The following CCNT1 variants were observed in gnomAD, a reference collection of about 807,000 sequenced individuals.
The protein encoded by CCNT1 is cyclin T1, also known as cyclin-T1.
Under a neutral mutation model 67.3 loss-of-function variants are expected in CCNT1, and 18 were observed. The observed-to-expected ratio is 0.27, with a 90% CI of 0.18 to 0.40. The LOEUF (loss-of-function observed/expected upper bound fraction) is 0.40. Ranked by LOEUF, CCNT1 falls within the 10% of genes least tolerant of loss-of-function variation. The pLI is 1.00. For synonymous variants in CCNT1, 333 were observed against 310.3 expected (o/e 1.07, Z -0.77); for missense variants, 744 against 884.9 (o/e 0.84, Z 2.02).
At position 48,699,851 on chromosome 12, in the gene CCNT1, AAAGT is replaced by A; in HGVS notation, c.434-15_434-12del. 1 of 1,544,930 alleles carries A rather than the reference AAAGT, an allele frequency of 6.5e-7. No individual in the cohort carries two copies. The highest frequency in any genetic ancestry group is 8.9e-7 in the Non-Finnish European group (1 of 1,123,298). ...TTGTTAGTTCAAAGCCTTAAAAGAA[AAAGT>A]AATGGATTAAAAAACTATTAAGAAG... On this transcript the variant is annotated splice_polypyrimidine_tract_variant and intron_variant, in intron 4 of 8. Transcript: ENST00000261900.
intron 1 of CCNT1, among the ~76,000 whole-genome samples, chr12:48,715,521 C>T (rs1380338353): frequency 6.6e-6 from 1 of 151,678 alleles, no homozygotes; most frequent in Non-Finnish European, 1.5e-5. Context: ...AGTGCAGTGG[C>T]GCCATCTCGG....
intron 6 of CCNT1, among the ~76,000 whole-genome samples, chr12:48,696,717 T>C (rs945385530): frequency 6.6e-6 from 1 of 152,196 alleles, no homozygotes; most frequent in Non-Finnish European, 1.5e-5. Flanking sequence ...TTTCAAAACT[T>C]TTTCGTAACA....
chr12:48,693,824 T>C lies in CCNT1; in HGVS notation c.1390A>G (p.Ile464Val), dbSNP rs1366188615. Residue 464 changes from isoleucine to valine, a missense_variant, in exon 9 of 9, where the codon ATC becomes GTC. Around this residue, in one of 3 missense-constraint regions of CCNT1, gnomAD observed 564 missense variants for 574.2 expected, o/e 0.98. Transcript: ENST00000261900. ...KADKTALKMRIPVAGGDKAAS... is the reference protein window; with the variant it reads ...KADKTALKMRVPVAGGDKAAS... Reference sequence around the variant, plus strand: ...GCTTTATCTCCACCTGCCACTGGGATTCTCATTTTGAGAGCTGTTTTGTCA... The same window carrying C: ...GCTTTATCTCCACCTGCCACTGGGACTCTCATTTTGAGAGCTGTTTTGTCA... 1 of 1,614,208 alleles carries C rather than the reference T, an allele frequency of 6.2e-7. No homozygotes were observed. Among genetic ancestry groups the C allele is most frequent in the Non-Finnish European group, 8.5e-7 (1 of 1,180,042 alleles).
Position 48,689,157 on chromosome 12 carries a change from C to T in CCNT1, c.*3876G>A, listed in dbSNP as rs1940032894. 6.6e-6 allele frequency: 1 copy of T among 152,104 alleles called. No individual in the cohort carries two copies. The highest frequency in any genetic ancestry group is 2.4e-5 in the African/African-American group (1 of 41,402). 9.4% of individuals were successfully genotyped at this position (152,104 alleles called of 1,614,324 possible). ...AGAGTCCTTCTCTTTTTTTCATTAG[C>T]CATGAATAAACACTCACAAAGGGGA... is the stretch of plus-strand genomic sequence containing the variant. On this transcript the variant is annotated 3_prime_UTR_variant, in exon 9 of 9. Coordinates refer to ENST00000261900, the MANE Select transcript of CCNT1 (RefSeq NM_001240.4).
chr12:48,698,403 G>A (rs987398346), intron 5 of CCNT1, among the ~76,000 whole-genome samples: 2 of 152,152 alleles, frequency 1.3e-5, no homozygotes, highest in African/African-American at 4.8e-5. Context: ...GCTGCTTCCA[G>A]ATCTAGGTAC....
rs34991080 is a variant in CCNT1 at position 48,698,956 on chromosome 12, C to CA, written c.497-774dup. ...GGGCAACAAGAGCAAAACTCCGTCT[C>CA]AAAAAAAAAAAAAAGTTTTTAATTA... On this transcript the variant is annotated intron_variant, in intron 5 of 8. Transcript: ENST00000261900. Among the ~76,000 whole-genome samples, 204 of 100,788 alleles carry CA rather than the reference C, an allele frequency of 2.0e-3. 1 individual carries two copies. The highest frequency in any genetic ancestry group is 0.012 in the Middle Eastern group (2 of 168). The allele number at this position is 100,788 out of a possible 152,430, so 66.1% of individuals were successfully genotyped here.
At position 48,693,718 on chromosome 12, in the gene CCNT1, C is replaced by A. The variant is rs767190434; in HGVS notation, c.1496G>T (p.Ser499Ile). The A allele has an allele frequency of 6.2e-7, 1 of 1,614,152 alleles. No individual in the cohort carries two copies. The highest frequency in any genetic ancestry group is 1.7e-5 in the Admixed American group (1 of 60,024). The change falls in exon 9 of 9, where the codon AGT becomes ATT. Residue 499 changes from serine to isoleucine, a missense_variant. Physicochemically the swap from Ser to Ile is moderately radical, Grantham distance 142 (BLOSUM62 -2). Transcript: ENST00000261900. Reference protein sequence around the residue: ...AADKHNSVEDSVTKSREHKEK... With the variant: ...AADKHNSVEDIVTKSREHKEK... Reference sequence around the variant, plus strand: ...TTTGTGCTCTCGGCTCTTTGTAACACTGTCCTCTACAGAATTGTGCTTATC... The same window carrying A: ...TTTGTGCTCTCGGCTCTTTGTAACAATGTCCTCTACAGAATTGTGCTTATC...
At chr12:48,711,681 TA>T (rs1321059688) in intron 2 of CCNT1, among the ~76,000 whole-genome samples, 1 of 151,930 alleles carries the variant, frequency 6.6e-6, no homozygotes, top group African/African-American at 2.4e-5. Context: ...TCTCTTTTAA[TA>T]AGAAGGATAT....
At chr12:48,701,179 G>A in intron 3 of CCNT1, 106 bp from the exon 4 acceptor site, 1 of 458,708 alleles carries the variant, frequency 2.2e-6, no homozygotes, top group South Asian at 3.2e-5. Context: ...AAAGGCATGA[G>A]TGGAGTTAGG....
rs1228366152 is a variant in CCNT1 at position 48,705,588 on chromosome 12, T to G, written c.372+180A>C. 5.0e-6 allele frequency: 3 copies of G among 601,230 alleles called. No homozygotes were observed. The Admixed American group carries it at 9.6e-5, about 19-fold the overall frequency. The allele number at this position is 601,230 out of a possible 1,614,324, so 37.2% of individuals were successfully genotyped here. A position where few individuals can be genotyped will look rare whatever the true frequency, so the allele number is the denominator to read the frequency against. ...ACCATACCTGGCCTGATTTTCTTAC[T>G]GTTAAGAAAAACACAAACACTAAAA... On this transcript the variant is annotated intron_variant, in intron 3 of 8. Transcript: ENST00000261900.
chr12:48,688,563 C>A lies in CCNT1; in HGVS notation c.*4470G>T, dbSNP rs189442046. On this transcript the variant is annotated 3_prime_UTR_variant, in exon 9 of 9. Coordinates refer to ENST00000261900, the MANE Select transcript of CCNT1 (RefSeq NM_001240.4). ...TGATAGCCAGACTATAAAATGTATA[C>A]ATCCTTTTTAAATTTTTTGAATTTT... 6.6e-6 allele frequency: 1 copy of A among 152,086 alleles called. No homozygotes were observed. Among genetic ancestry groups the A allele is most frequent in the Non-Finnish European group, 1.5e-5 (1 of 68,014 alleles). 9.4% of individuals were successfully genotyped at this position (152,086 alleles called of 1,614,324 possible).
chr12:48,692,966 C>T lies in CCNT1; in HGVS notation c.*67G>A. ...TATTTCATAAGTAATTTTCTTAGTC[C>T]AAAAAAAAAAAAGAAAAATTATGTG... On this transcript the variant is annotated 3_prime_UTR_variant, in exon 9 of 9. Transcript: ENST00000261900. 2 of 842,168 alleles carry T rather than the reference C, an allele frequency of 2.4e-6. No individual in the cohort carries two copies. The highest frequency in any genetic ancestry group is 3.4e-6 in the Non-Finnish European group (2 of 582,520). 52.2% of individuals were successfully genotyped at this position (842,168 alleles called of 1,614,324 possible).
intron 2 of CCNT1, among the ~76,000 whole-genome samples, chr12:48,709,949 G>A (rs1036706273): frequency 5.3e-5 from 8 of 150,816 alleles, no homozygotes; most frequent in Admixed American, 5.3e-4. Context: ...GGAGTGCAAC[G>A]GCACGATCTC....
At position 48,693,551 on chromosome 12, in the gene CCNT1, C is replaced by T; in HGVS notation, c.1663G>A (p.Ala555Thr). Residue 555 changes from alanine to threonine, a missense_variant, in exon 9 of 9, where the codon GCA becomes ACA. Transcript: ENST00000261900. ...PKHSSQTSNL[A>T]HKTYSLSSSF... ...CTAGACAAGCTATAGGTTTTATGTG[C>T]TAAGTTGCTTGTCTGGCTACTATGT... 6.2e-7 allele frequency: 1 copy of T among 1,614,180 alleles called. No homozygotes were observed. The highest frequency in any genetic ancestry group is 8.5e-7 in the Non-Finnish European group (1 of 1,180,038).
At chr12:48,710,860 A>C (rs1940438221) in intron 2 of CCNT1, among the ~76,000 whole-genome samples, 1 of 152,196 alleles carries the variant, frequency 6.6e-6, no homozygotes, top group Non-Finnish European at 1.5e-5. Context: ...CAGGAATTCA[A>C]GACCAGGCTG....
chr12:48,714,617 C>G lies in CCNT1; in HGVS notation c.162-93G>C, dbSNP rs1337498398. 4 of 703,354 alleles carry G rather than the reference C, an allele frequency of 5.7e-6. No individual in the cohort carries two copies. In the East Asian group the frequency reaches 1.1e-4, roughly 19 times the overall value. 43.6% of individuals were successfully genotyped at this position (703,354 alleles called of 1,614,324 possible). Reference sequence around the variant, plus strand: ...CTCCCAAAAGGATGAAATGGCCAAGCAAGTAGATACTACTAAATGAAAATC... The same window carrying G: ...CTCCCAAAAGGATGAAATGGCCAAGGAAGTAGATACTACTAAATGAAAATC... On this transcript the variant is annotated intron_variant, in intron 1 of 8. Transcript: ENST00000261900.
rs1940260864 is a variant in CCNT1 at position 48,701,215 on chromosome 12, ATC to A, written c.373-144_373-143del. Reference sequence around the variant, plus strand: ...AGGTAGAGTTAAGAACTGAAATACAATCTTTTTTTTTTTTTTTTTTTTTTTTT... The same window carrying A: ...AGGTAGAGTTAAGAACTGAAATACAATTTTTTTTTTTTTTTTTTTTTTTTT... On this transcript the variant is annotated intron_variant, in intron 3 of 8. Coordinates refer to ENST00000261900, the MANE Select transcript of CCNT1 (RefSeq NM_001240.4). 41 of 323,240 alleles carry A rather than the reference ATC, an allele frequency of 1.3e-4. 1 individual carries two copies. The highest frequency in any genetic ancestry group is 1.1e-3 in the East Asian group (22 of 20,090). The allele number at this position is 323,240 out of a possible 1,614,324, so 20.0% of individuals were successfully genotyped here.
chr12:48,701,004 TA>T lies in CCNT1; in HGVS notation c.433+8del. 1 of 1,484,962 alleles carries T rather than the reference TA, an allele frequency of 6.7e-7. No homozygotes were observed. Among genetic ancestry groups the T allele is most frequent in the Non-Finnish European group, 9.2e-7 (1 of 1,085,534 alleles). 92.0% of individuals were successfully genotyped at this position (1,484,962 alleles called of 1,614,324 possible). On this transcript the variant is annotated splice_region_variant and intron_variant, in intron 4 of 8. Coordinates refer to ENST00000261900, the MANE Select transcript of CCNT1 (RefSeq NM_001240.4). ...TTTAAAAAAATGTTTCAAAGGAAAA[TA>T]AACTTACCTAAAGTCTGCAAAATTA...
At chr12:48,696,812 T>G (rs1940174953) in intron 6 of CCNT1, among the ~76,000 whole-genome samples, 1 of 152,230 alleles carries the variant, frequency 6.6e-6, no homozygotes, top group African/African-American at 2.4e-5. Context: ...GCAAGTCATT[T>G]GGTAATACAA....
Sources: gnomAD v4.1 joint callset for allele counts (sites outside exome capture counted in the v4.1 genomes callset) on GRCh38, gnomAD v4.1.1 for gene constraint, gnomAD v4.1.1 regional missense constraint, MANE v1.5 for transcripts, NCBI Gene and HGNC (gene_info 2026-07-23, HGNC 2026-07-21) for gene names.